The following RIT2 variants were observed in gnomAD, a reference collection of about 807,000 sequenced individuals.
RIT2 encodes the protein Ras like without CAAX 2, also known as GTP-binding protein Rit2.
RIT2 carries 24 observed loss-of-function variants against 23.7 expected under a neutral mutation model. The ratio of observed to expected loss-of-function variants is 1.01; its 90% CI spans 0.73 to 1.43. RIT2 has a LOEUF of 1.43. Among genes scored for constraint, RIT2 ranks in the 40% most tolerant of loss-of-function variants. The pLI is 0.00. For synonymous variants in RIT2, 107 were observed against 91.1 expected (o/e 1.17, Z -0.99); for missense variants, 236 against 266.9 (o/e 0.88, Z 0.81).
At position 42,743,540 on chromosome 18, in the gene RIT2, T is replaced by C. The variant is rs200268352; in HGVS notation, c.607A>G (p.Lys203Glu). 5 of 1,614,056 alleles carry C rather than the reference T, an allele frequency of 3.1e-6. No homozygotes were observed. In the South Asian group the frequency reaches 5.5e-5, roughly 18 times the overall value. Reference sequence around the variant, plus strand: ...TTCTTCAAAGAACCTTTGAGCTTCTTCCACAGGCTGTCTTTTCTCTTCAGT... The same window carrying C: ...TTCTTCAAAGAACCTTTGAGCTTCTCCCACAGGCTGTCTTTTCTCTTCAGT... ...KKLKRKDSLW[K>E]KLKGSLKKKR... The change falls in exon 5 of 5, where the codon AAG (lysine) becomes GAG (glutamate). Residue 203 changes from lysine (K) to glutamate (E), a missense_variant. Transcript: ENST00000326695.
At chr18:43,081,591 C>T (rs1307921038) in intron 1 of RIT2, among the ~76,000 whole-genome samples, 1 of 152,128 alleles carries the variant, frequency 6.6e-6, no homozygotes, top group Non-Finnish European at 1.5e-5. Flanking sequence ...CCTCATCCTT[C>T]CTGTTTCTTT....
chr18:43,048,191 C>T (rs922152980), intron 1 of RIT2, among the ~76,000 whole-genome samples: 1 of 152,120 alleles, frequency 6.6e-6, no homozygotes, highest in African/African-American at 2.4e-5. Context: ...TATATGGGTT[C>T]GCTAAATTCA....
At chr18:42,926,359 G>A (rs1405724701) in intron 3 of RIT2, among the ~76,000 whole-genome samples, 3 of 151,750 alleles carry the variant, frequency 2.0e-5, no homozygotes, top group African/African-American at 7.3e-5. Flanking sequence ...TCATTTATAT[G>A]TTGTCTTCTA....
rs1322042223 is a variant in RIT2 at position 42,996,167 on chromosome 18, C to T, written c.161-22020G>A. ...CGTATCCAGGCCATCATCAATAATT[C>T]TAAATGACAAATGTTTCTTCTAACA... On this transcript the variant is annotated intron_variant, in intron 2 of 4. Coordinates refer to ENST00000326695, the MANE Select transcript of RIT2 (RefSeq NM_002930.4). Among the ~76,000 whole-genome samples, 3 of 152,186 alleles carry T rather than the reference C, an allele frequency of 2.0e-5. No homozygotes were observed. In the East Asian group the frequency reaches 5.8e-4, roughly 29 times the overall value.
At chr18:42,984,636 T>G (rs1393171796) in intron 2 of RIT2, among the ~76,000 whole-genome samples, 2 of 152,096 alleles carry the variant, frequency 1.3e-5, no homozygotes, top group Non-Finnish European at 2.9e-5. Flanking sequence ...AGAAACAATC[T>G]GTATTATTTC....
intron 4 of RIT2, among the ~76,000 whole-genome samples, chr18:42,755,715 G>A (rs1374898617): frequency 2.6e-5 from 4 of 152,124 alleles, no homozygotes; most frequent in Admixed American, 2.0e-4. Context: ...CATTATTTGT[G>A]GATGACATCA....
chr18:42,816,764 T>C (rs561121469), intron 4 of RIT2, among the ~76,000 whole-genome samples: 6 of 152,280 alleles, frequency 3.9e-5, no homozygotes, highest in African/African-American at 2.4e-5. Flanking sequence ...GACTCCATTA[T>C]AGGATAAAAA....
chr18:43,029,653 A>T (rs66970782), intron 2 of RIT2, among the ~76,000 whole-genome samples: 24,042 of 152,018 alleles, frequency 0.16, 2,170 homozygotes, highest in East Asian at 0.42. Context: ...AAACTCAATG[A>T]AAAAGGAATT....
chr18:42,793,575 A>C (rs1404455497), intron 4 of RIT2, among the ~76,000 whole-genome samples: 2 of 152,148 alleles, frequency 1.3e-5, no homozygotes, highest in Non-Finnish European at 2.9e-5. Context: ...CATGAAACTG[A>C]ATGAGATCAC....
chr18:42,857,700 T>C (rs189498523), intron 4 of RIT2, among the ~76,000 whole-genome samples: 1 of 152,296 alleles, frequency 6.6e-6, no homozygotes, highest in East Asian at 1.9e-4. Flanking sequence ...GCCCTGGATG[T>C]TTTTGCATAC....
At chr18:42,820,711 A>C (rs965701405) in intron 4 of RIT2, among the ~76,000 whole-genome samples, 51 of 152,212 alleles carry the variant, frequency 3.4e-4, no homozygotes, top group African/African-American at 1.2e-3. Context: ...TCAGGTCTGG[A>C]GATAGAAAAA....
chr18:42,766,092 T>A (rs1913415698), intron 4 of RIT2, among the ~76,000 whole-genome samples: 1 of 152,172 alleles, frequency 6.6e-6, no homozygotes, highest in Non-Finnish European at 1.5e-5. Context: ...GAAAACGAAC[T>A]AATACAGTAA....
intron 4 of RIT2, among the ~76,000 whole-genome samples, chr18:42,748,258 C>T (rs1912965973): frequency 6.6e-6 from 1 of 151,628 alleles, no homozygotes; most frequent in Admixed American, 6.6e-5. Context: ...ACAAACAATC[C>T]CATCAAAAAG....
chr18:42,795,834 A>G (rs571478777), intron 4 of RIT2, among the ~76,000 whole-genome samples: 3 of 152,222 alleles, frequency 2.0e-5, no homozygotes, highest in African/African-American at 4.8e-5. Context: ...GAATGCACCA[A>G]TCGACACTCT....
At chr18:42,844,874 T>C (rs1906865880) in intron 4 of RIT2, among the ~76,000 whole-genome samples, 1 of 152,136 alleles carries the variant, frequency 6.6e-6, no homozygotes, top group Non-Finnish European at 1.5e-5. Context: ...CCACCCTCTA[T>C]CAAAAGTAGT....
chr18:43,076,964 G>A (rs1037225825), intron 1 of RIT2, among the ~76,000 whole-genome samples: 2 of 150,248 alleles, frequency 1.3e-5, no homozygotes, highest in Non-Finnish European at 3.0e-5. Flanking sequence ...TTAGCCGGCC[G>A]TAGTGGCGGG....
Position 43,115,444 on chromosome 18 carries a change from G to C in RIT2, c.76C>G (p.Leu26Val). The change falls in exon 1 of 5, where the codon CTG (leucine) becomes GTG (valine). Residue 26 changes from leucine (L) to valine (V), a missense_variant. By Grantham distance (32) the Leu-to-Val change is conservative (BLOSUM62 1). Coordinates refer to ENST00000326695, the MANE Select transcript of RIT2 (RefSeq NM_002930.4). ...GGSREYKVVMLGAGGVGKSAM... is the reference protein window; with the variant it reads ...GGSREYKVVMVGAGGVGKSAM... ...CTTTTACCAACTCCCCCTGCTCCCAGCATTACCACCTTGTACTCTCTGGAC... is the reference window on the plus strand; with the variant it reads ...CTTTTACCAACTCCCCCTGCTCCCACCATTACCACCTTGTACTCTCTGGAC... The C allele has an allele frequency of 1.2e-6, 2 of 1,613,370 alleles. No homozygotes were observed. Among genetic ancestry groups the C allele is most frequent in the Non-Finnish European group, 1.7e-6 (2 of 1,179,704 alleles).
At chr18:43,103,598 A>G (rs1341925047) in intron 1 of RIT2, among the ~76,000 whole-genome samples, 1 of 152,246 alleles carries the variant, frequency 6.6e-6, no homozygotes, top group African/African-American at 2.4e-5. Context: ...GGAAGATATT[A>G]AAGAGCAAGA....
intron 4 of RIT2, among the ~76,000 whole-genome samples, chr18:42,835,606 T>C (rs1038864635): frequency 1.2e-4 from 18 of 152,124 alleles, no homozygotes; most frequent in Admixed American, 3.9e-4. Flanking sequence ...CAAATAAAGT[T>C]GGAATTGTAC....
Sources: gnomAD v4.1 joint callset for allele counts (sites outside exome capture counted in the v4.1 genomes callset) on GRCh38, gnomAD v4.1.1 for gene constraint, MANE v1.5 for transcripts, NCBI Gene and HGNC (gene_info 2026-07-23, HGNC 2026-07-21) for gene names.